TMEM175: variants seen among roughly 807,000 people sequenced by gnomAD.
The protein encoded by TMEM175 is transmembrane protein 175.
In TMEM175, 36 loss-of-function variants were observed where a neutral mutation model predicts 36.5. That is an observed-to-expected ratio of 0.99 (90% CI 0.76 to 1.30). The LOEUF (loss-of-function observed/expected upper bound fraction) is 1.30. Among genes scored for constraint, TMEM175 ranks in the 50% most tolerant of loss-of-function variants. The pLI, the probability that TMEM175 is intolerant of heterozygous loss-of-function variation, is 0.00. For missense variants in TMEM175, 705 were observed against 692.8 expected, an observed-to-expected ratio of 1.02 and a Z score of -0.20; for synonymous variants, 339 against 313.4, an observed-to-expected ratio of 1.08 and a Z score of -0.86.
chr4:956,532 T>G (rs763002130), intron 10 of TMEM175: 42 of 1,152,520 alleles, frequency 3.6e-5, no homozygotes, highest in Non-Finnish European at 4.6e-5. Context: ...AACCTCCGCC[T>G]CCCAGGTTCA....
At chr4:953,490 G>C (rs1729227422) in intron 8 of TMEM175, 136 bp downstream of exon 8, 1 of 1,116,224 alleles carries the variant, frequency 9.0e-7, no homozygotes, top group Non-Finnish European at 1.2e-6. Context: ...TCTTGTGTGT[G>C]AGGCCCAGGG....
chr4:948,009 G>A (rs751227952), intron 2 of TMEM175, 107 bp from the exon 3 acceptor site: 8 of 1,610,596 alleles, frequency 5.0e-6, no homozygotes, highest in African/African-American at 1.3e-5. Flanking sequence ...AGCTCCTCAG[G>A]CAGCTTAGGG....
In TMEM175 at chr4:932,574, G is replaced by T; in HGVS notation, c.-32+34G>T. 4 of 416,678 alleles carry T rather than the reference G, an allele frequency of 9.6e-6. No individual in the cohort carries two copies. The highest frequency in any genetic ancestry group is 8.4e-6 in the Non-Finnish European group (2 of 237,240). The allele number at this position is 416,678 out of a possible 1,614,324, so 25.8% of individuals were successfully genotyped here. On this transcript the variant is annotated intron_variant, in intron 1 of 10. Transcript: ENST00000264771. This position sits in a 1 kb window ranked among gnomAD's most constrained non-coding sequence, Gnocchi z 4.0. ...GCGCCCCAGTCCAGCTCCCGGTACC[G>T]TTCCCCACATGGTCTGTTTTGTGGG...
intron 4 of TMEM175, among the ~76,000 whole-genome samples, 166 bp downstream of exon 4, chr4:950,684 A>AGTGTGGATGGTGCAGTAGGTGGAG (rs1553907102): frequency 1.3e-3 from 179 of 142,016 alleles, no homozygotes; most frequent in African/African-American, 4.7e-3. Context: ...GGCCTGGGAC[A>AGTGTGGATGGTGCAGTAGGTGGAG]GTGTGGATGG....
chr4:946,589 C>G (rs978362126), intron 1 of TMEM175, among the ~76,000 whole-genome samples: 1 of 152,188 alleles, frequency 6.6e-6, no homozygotes, highest in African/African-American at 2.4e-5. Flanking sequence ...GTTCTGTCTC[C>G]GTGAGGCGCT....
rs773211843 is a variant in TMEM175, at chr4:958,404, G to T, written c.1423G>T (p.Val475Phe). ...LVGLALATLR[V>F]LRGLARPEHP... The stretch of plus-strand genomic sequence containing the variant: ...GGGCCTGGCCCTGGCCACCCTGCGG[G>T]TCCTGCGGGGCCTCGCCCGGCCCGA... Residue 475 changes from valine (V) to phenylalanine (F), a missense_variant, in exon 11 of 11, where the codon GTC (valine) becomes TTC (phenylalanine). Physicochemically the swap from Val to Phe is conservative, Grantham distance 50 (BLOSUM62 -1). Transcript: ENST00000264771. 1.2e-6 allele frequency: 2 copies of T among 1,600,032 alleles called. No homozygotes were observed. Among genetic ancestry groups the T allele is most frequent in the South Asian group, 1.1e-5 (1 of 90,948 alleles).
chr4:948,344 C>T (rs754596846), intron 3 of TMEM175, 190 bp downstream of exon 3: 21 of 1,535,800 alleles, frequency 1.4e-5, no homozygotes, highest in African/African-American at 9.6e-5. Flanking sequence ...GTGCTCACCC[C>T]GGCGGAGGTC....
chr4:950,219 C>A (rs952163638), intron 3 of TMEM175, among the ~76,000 whole-genome samples: 1 of 152,088 alleles, frequency 6.6e-6, no homozygotes, highest in Non-Finnish European at 1.5e-5. Context: ...GACAGACCAG[C>A]TGGAGACGGA....
intron 1 of TMEM175, among the ~76,000 whole-genome samples, chr4:941,390 A>G (rs1335146200): frequency 2.7e-5 from 4 of 149,976 alleles, no homozygotes; most frequent in Admixed American, 2.6e-4. Flanking sequence ...AAAAAAAAAA[A>G]AAAAAAGAAA....
chr4:948,878 G>A (rs540961500), intron 3 of TMEM175, among the ~76,000 whole-genome samples: 2 of 152,334 alleles, frequency 1.3e-5, no homozygotes, highest in South Asian at 2.1e-4. Context: ...ACGCCGAGAA[G>A]TCATGGGAGC....
At chr4:940,458 A>AAG (rs1727307542) in intron 1 of TMEM175, among the ~76,000 whole-genome samples, 1 of 151,648 alleles carries the variant, frequency 6.6e-6, no homozygotes, top group African/African-American at 2.4e-5. Flanking sequence ...CAAAAAAAAA[A>AAG]AAAAAAAAAA....
In TMEM175 at chr4:950,406, G is replaced by T. The variant is rs148498294; in HGVS notation, c.193-15G>T. On this transcript the variant is annotated splice_polypyrimidine_tract_variant and intron_variant, in intron 3 of 10. Coordinates refer to ENST00000264771, the MANE Select transcript of TMEM175 (RefSeq NM_032326.4). ...ATGTCACCTGGGCTCTGACAGCAGT[G>T]CTCTTGTATTCCAGCAGTTCGACAG... 2.1e-5 allele frequency: 33 copies of T among 1,601,468 alleles called. No individual in the cohort carries two copies. In the East Asian group the frequency reaches 7.1e-4, roughly 35 times the overall value.
intron 1 of TMEM175, among the ~76,000 whole-genome samples, chr4:943,544 G>A (rs374891143): frequency 8.5e-5 from 13 of 152,102 alleles, no homozygotes; most frequent in Admixed American, 2.0e-4. Flanking sequence ...GAGCCACCGC[G>A]CCCAGCTAAA....
At position 957,833 on chromosome 4, in the gene TMEM175, C is replaced by T. The variant is rs755837481; in HGVS notation, c.852C>T (p.Asn284=). The change falls in exon 11 of 11, where the codon AAC becomes AAT. Residue 284 remains asparagine (N), a synonymous_variant. Transcript: ENST00000264771. ...TLLILDICED[N]VPDPKDVKER... ...TATTCACTGTTCTCAGCGAAGACAA[C>T]GTCCCGGACCCCAAGGATGTGAAGG... 22 of 1,606,318 alleles carry T rather than the reference C, an allele frequency of 1.4e-5. No homozygotes were observed. Among genetic ancestry groups the T allele is most frequent in the East Asian group, 6.7e-5 (3 of 44,796 alleles).
At chr4:945,824 G>A (rs949634360) in intron 1 of TMEM175, among the ~76,000 whole-genome samples, 9 of 152,064 alleles carry the variant, frequency 5.9e-5, no homozygotes, top group Non-Finnish European at 1.2e-4. Flanking sequence ...CTTAAATGGT[G>A]GAGAGCCCAG....
At chr4:956,682 G>C (rs1729700629) in intron 10 of TMEM175, 1 of 351,386 alleles carries the variant, frequency 2.8e-6, no homozygotes, top group Non-Finnish European at 5.5e-6. Flanking sequence ...GACCTCAGGT[G>C]ATCTGCCCAC....
intron 1 of TMEM175, among the ~76,000 whole-genome samples, chr4:939,859 G>A (rs1197309895): frequency 6.6e-6 from 1 of 152,206 alleles, no homozygotes; most frequent in Non-Finnish European, 1.5e-5. Flanking sequence ...TTTTAGCCAT[G>A]ACACTAAAAG....
intron 8 of TMEM175, among the ~76,000 whole-genome samples, chr4:953,993 T>A (rs2153004114): frequency 6.6e-6 from 1 of 150,524 alleles, no homozygotes; most frequent in South Asian, 2.1e-4. Context: ...TTTATTTTCT[T>A]TTTTTCTTTT....
At chr4:942,192 G>A (rs754798647) in intron 1 of TMEM175, among the ~76,000 whole-genome samples, 2 of 151,960 alleles carry the variant, frequency 1.3e-5, no homozygotes, top group Admixed American at 6.6e-5. Flanking sequence ...TCGAGTAGCT[G>A]AGTAGCTGGG....
Sources: allele counts gnomAD v4.1 joint callset (sites outside exome capture counted in the v4.1 genomes callset), GRCh38; gene constraint gnomAD v4.1.1; non-coding constraint Gnocchi (gnomAD v3.1); transcripts MANE v1.5; gene names NCBI Gene and HGNC (gene_info 2026-07-23, HGNC 2026-07-21).